Variants in CNTNAP2 observed in about 807,000 individuals in gnomAD.
The protein encoded by CNTNAP2 is contactin-associated protein-like 2.
CNTNAP2 carries 98 observed loss-of-function variants against 155.2 expected under a neutral mutation model. The ratio of observed to expected loss-of-function variants is 0.63; its 90% CI spans 0.54 to 0.75. The LOEUF is 0.75. CNTNAP2 is among the 30% of genes least tolerant of loss of function. The probability of loss-of-function intolerance (pLI) is 0.00; values close to 1 mark genes in which losing one functional copy is unlikely to be tolerated. For missense variants in CNTNAP2, 1,727 were observed against 1,688.1 expected (o/e 1.02, Z -0.40); for synonymous variants, 651 against 631.2 (o/e 1.03, Z -0.47).
At chr7:147,095,617 C>G (rs906146816) in intron 4 of CNTNAP2, among the ~76,000 whole-genome samples, 3 of 151,460 alleles carry the variant, frequency 2.0e-5, no homozygotes, top group Non-Finnish European at 4.4e-5. Flanking sequence ...CATTGTTTTT[C>G]TTGCTTCTTT....
chr7:147,102,524 A>G (rs894679782), intron 4 of CNTNAP2, among the ~76,000 whole-genome samples: 4 of 152,194 alleles, frequency 2.6e-5, no homozygotes, highest in African/African-American at 9.7e-5. Context: ...GGGAATATCA[A>G]GCACTGAAGG....
intron 13 of CNTNAP2, among the ~76,000 whole-genome samples, chr7:147,699,699 T>G (rs1226425762): frequency 6.6e-6 from 1 of 152,160 alleles, no homozygotes; most frequent in East Asian, 1.9e-4. Flanking sequence ...AGTCACAAAA[T>G]ATAACATTAA....
At chr7:147,908,721 G>A (rs892610398) in intron 14 of CNTNAP2, among the ~76,000 whole-genome samples, 7 of 152,152 alleles carry the variant, frequency 4.6e-5, no homozygotes, top group African/African-American at 1.7e-4. Flanking sequence ...GTTAAACCAC[G>A]TTTGTTGTAA....
chr7:146,639,873 G>A (rs75612214), intron 1 of CNTNAP2, among the ~76,000 whole-genome samples: 8,070 of 152,284 alleles, frequency 0.053, 312 homozygotes, highest in African/African-American at 0.085. Flanking sequence ...GGCAGAGTCC[G>A]AAGAAGAGGG....
chr7:148,330,244 T>C (rs1797964514), intron 21 of CNTNAP2, among the ~76,000 whole-genome samples: 2 of 119,384 alleles, frequency 1.7e-5, no homozygotes, highest in African/African-American at 6.5e-5. Context: ...ATGGATGGAA[T>C]GGATCGATGG....
At chr7:146,124,101 G>A (rs1797601776) in intron 1 of CNTNAP2, among the ~76,000 whole-genome samples, 1 of 152,158 alleles carries the variant, frequency 6.6e-6, no homozygotes, top group Non-Finnish European at 1.5e-5. Context: ...CCTGTTGAGG[G>A]GTGGAGGGCT....
At chr7:146,928,300 TA>T (rs750348438) in intron 3 of CNTNAP2, among the ~76,000 whole-genome samples, 1 of 152,216 alleles carries the variant, frequency 6.6e-6, no homozygotes, top group South Asian at 2.1e-4. Context: ...AACATTTCTC[TA>T]AACAGTCTTG....
At chr7:147,899,903 AAAG>A (rs1404474007) in intron 13 of CNTNAP2, among the ~76,000 whole-genome samples, 2 of 141,064 alleles carry the variant, frequency 1.4e-5, no homozygotes, top group East Asian at 2.0e-4. Flanking sequence ...AAAAAAAAAA[AAAG>A]AAAGAAAGAA....
chr7:147,648,707 G>A (rs994467238), intron 13 of CNTNAP2, among the ~76,000 whole-genome samples: 3 of 152,060 alleles, frequency 2.0e-5, no homozygotes, highest in African/African-American at 7.2e-5. Context: ...ACCTGCCCCC[G>A]TGATTCAATT....
intron 11 of CNTNAP2, among the ~76,000 whole-genome samples, chr7:147,490,868 T>C (rs2116647798): frequency 6.6e-6 from 1 of 152,230 alleles, no homozygotes; most frequent in Non-Finnish European, 1.5e-5. Flanking sequence ...GCAAGGCCCT[T>C]CTTGACATGG....
At chr7:148,053,007 A>G (rs1206576930) in intron 15 of CNTNAP2, among the ~76,000 whole-genome samples, 2 of 152,242 alleles carry the variant, frequency 1.3e-5, no homozygotes, top group African/African-American at 4.8e-5. Flanking sequence ...AAATCACGCC[A>G]CTGCACTCTA....
At chr7:146,949,208 A>G (rs1182139194) in intron 3 of CNTNAP2, among the ~76,000 whole-genome samples, 5 of 152,206 alleles carry the variant, frequency 3.3e-5, no homozygotes, top group African/African-American at 1.2e-4. Context: ...TAAAGCCTAG[A>G]TGGGCACATA....
intron 20 of CNTNAP2, among the ~76,000 whole-genome samples, chr7:148,243,858 T>C (rs940173704): frequency 1.3e-5 from 2 of 152,200 alleles, no homozygotes; most frequent in East Asian, 1.9e-4. Context: ...AGAAGTCTTA[T>C]TGGGGACTGT....
chr7:146,629,205 C>T (rs1474770282), intron 1 of CNTNAP2, among the ~76,000 whole-genome samples: 2 of 152,130 alleles, frequency 1.3e-5, no homozygotes, highest in Admixed American at 6.6e-5. Context: ...CTGCCTCCTA[C>T]AAGTCTGTCC....
At chr7:146,442,732 C>T (rs1303408639) in intron 1 of CNTNAP2, among the ~76,000 whole-genome samples, 1 of 152,114 alleles carries the variant, frequency 6.6e-6, no homozygotes, top group Non-Finnish European at 1.5e-5. Flanking sequence ...GCACAGCACA[C>T]CTAGCCCTGT....
intron 15 of CNTNAP2, among the ~76,000 whole-genome samples, chr7:148,010,634 G>A (rs926599315): frequency 2.0e-5 from 3 of 148,870 alleles, no homozygotes; most frequent in Non-Finnish European, 4.4e-5. Context: ...CCACTGAACT[G>A]TAAAGCCACC....
At chr7:146,432,466 T>A (rs368595464) in intron 1 of CNTNAP2, among the ~76,000 whole-genome samples, 4 of 152,230 alleles carry the variant, frequency 2.6e-5, no homozygotes, top group African/African-American at 9.6e-5. Flanking sequence ...TAAATTCTCA[T>A]TATGAAACTC....
intron 1 of CNTNAP2, among the ~76,000 whole-genome samples, chr7:146,137,243 A>G (rs1797810604): frequency 6.6e-6 from 1 of 152,170 alleles, no homozygotes. Flanking sequence ...GAGACTAACA[A>G]GTAAATCATA....
chr7:147,708,766 G>A (rs879563826), intron 13 of CNTNAP2, among the ~76,000 whole-genome samples: 12 of 151,830 alleles, frequency 7.9e-5, no homozygotes, highest in Non-Finnish European at 1.3e-4. Flanking sequence ...TTTTTGTTTT[G>A]GTTGTGTCCT....
Sources: gnomAD v4.1 joint callset for allele counts (sites outside exome capture counted in the v4.1 genomes callset) on GRCh38, gnomAD v4.1.1 for gene constraint, MANE v1.5 for transcripts, NCBI Gene and HGNC (gene_info 2026-07-23, HGNC 2026-07-21) for gene names.